The following SRPK2 variants were observed in gnomAD, a reference collection of about 807,000 sequenced individuals.
The protein encoded by SRPK2 is SFRS protein kinase 2.
In SRPK2, 21 loss-of-function variants were observed where a neutral mutation model predicts 90.8. The observed-to-expected ratio is 0.23, with a 90% CI of 0.16 to 0.33. The LOEUF is 0.33. Among genes scored for constraint, SRPK2 ranks in the 10% least tolerant of loss-of-function variants. SRPK2 has a pLI of 1.00. For synonymous variants in SRPK2, 288 were observed against 311.1 expected (o/e 0.93, Z 0.78); for missense variants, 620 against 869.0 (o/e 0.71, Z 3.60).
intron 2 of SRPK2, among the ~76,000 whole-genome samples, chr7:105,344,686 C>CT (rs1309985022): frequency 1.3e-5 from 2 of 152,084 alleles, no homozygotes; most frequent in Non-Finnish European, 2.9e-5. Context: ...GCTCTACACT[C>CT]TAACTTAAAG....
chr7:105,195,370 AGAGGAGAGAT>A (rs1418931857), intron 3 of SRPK2, among the ~76,000 whole-genome samples: 20 of 152,374 alleles, frequency 1.3e-4, no homozygotes, highest in Middle Eastern at 3.4e-3. Context: ...TTTTGTAAAA[AGAGGAGAGAT>A]TATAACACCA....
intron 2 of SRPK2, among the ~76,000 whole-genome samples, chr7:105,282,149 A>C (rs1465323940): frequency 6.6e-6 from 1 of 152,210 alleles, no homozygotes; most frequent in Non-Finnish European, 1.5e-5. Context: ...AGATAACGGA[A>C]AGTCCAGAAA....
At chr7:105,282,539 A>G (rs1005258073) in intron 2 of SRPK2, among the ~76,000 whole-genome samples, 8 of 152,360 alleles carry the variant, frequency 5.3e-5, no homozygotes, top group African/African-American at 1.9e-4. Context: ...GCAGAGGCTC[A>G]TACCTGTAAT....
rs997916128 is a variant in SRPK2, at chr7:105,241,534, A to G, written c.72-37749T>C. On this transcript the variant is annotated intron_variant, in intron 2 of 15. Coordinates refer to ENST00000393651, the MANE Select transcript of SRPK2 (RefSeq NM_182692.3). ...CCTCACAACCCTATGTGAGGTGAGC[A>G]TTATCATCTTTATTATAAGGATAAG... Among the ~76,000 whole-genome samples, 8 of 152,194 alleles carry G rather than the reference A, an allele frequency of 5.3e-5. No homozygotes were observed. In the East Asian group the frequency reaches 1.5e-3, roughly 29 times the overall value.
chr7:105,266,040 T>TA (rs1187305856), intron 2 of SRPK2, among the ~76,000 whole-genome samples: 3 of 152,156 alleles, frequency 2.0e-5, no homozygotes, highest in African/African-American at 7.2e-5. Flanking sequence ...ATAACTCCCC[T>TA]ACAAAATGGC....
At position 105,383,052 on chromosome 7, in the gene SRPK2, A is replaced by ATTTTTTTTTTT. The variant is rs1563315577; in HGVS notation, c.71+5595_71+5596insAAAAAAAAAAA. Among the ~76,000 whole-genome samples, 58 of 105,316 alleles carry ATTTTTTTTTTT rather than the reference A, an allele frequency of 5.5e-4. 15 individuals are homozygous for ATTTTTTTTTTT. The highest frequency in any genetic ancestry group is 1.9e-3 in the African/African-American group (51 of 26,552). The allele number at this position is 105,316 out of a possible 152,430, so 69.1% of individuals were successfully genotyped here. A position where few individuals can be genotyped will look rare whatever the true frequency, so the allele number is the denominator to read the frequency against. ...AGTCTGAAATTATTTCAAAAGTAAA[A>ATTTTTTTTTTT]ATTTTTTTTTTTTTTTTTTTTTTTT... On this transcript the variant is annotated intron_variant, in intron 2 of 15. Transcript: ENST00000393651.
At chr7:105,136,826 C>T (rs1802888903) in intron 11 of SRPK2, among the ~76,000 whole-genome samples, 1 of 152,200 alleles carries the variant, frequency 6.6e-6, no homozygotes, top group South Asian at 2.1e-4. Context: ...GCCACCTCAA[C>T]CATTCGTGCA....
intron 3 of SRPK2, among the ~76,000 whole-genome samples, chr7:105,174,082 T>TA (rs11406138): frequency 0.45 from 60,100 of 134,814 alleles, 13,884 homozygotes; most frequent in Non-Finnish European, 0.55. Flanking sequence ...CTGTCTCTAA[T>TA]AAAAAAAAAA....
At position 105,117,363 on chromosome 7, in the gene SRPK2, A is replaced by G. The variant is rs1012865022; in HGVS notation, c.*475T>C. ...AGTAACATTTACAGGGTGCATTTACATACACTATAATACAGGAATGATGTC... is the reference window on the plus strand; with the variant it reads ...AGTAACATTTACAGGGTGCATTTACGTACACTATAATACAGGAATGATGTC... On this transcript the variant is annotated 3_prime_UTR_variant, in exon 16 of 16. Coordinates refer to ENST00000393651, the MANE Select transcript of SRPK2 (RefSeq NM_182692.3). The G allele has an allele frequency of 6.3e-6, 1 of 158,922 alleles. No homozygotes were observed. The highest frequency in any genetic ancestry group is 1.4e-5 in the Non-Finnish European group (1 of 72,738). The allele number at this position is 158,922 out of a possible 1,614,324, so 9.8% of individuals were successfully genotyped here.
intron 2 of SRPK2, among the ~76,000 whole-genome samples, chr7:105,344,324 T>G (rs1333148721): frequency 1.3e-5 from 2 of 151,140 alleles, no homozygotes; most frequent in Non-Finnish European, 2.9e-5. Context: ...TATAGCTCAG[T>G]GCAGCCTTGA....
chr7:105,266,762 G>A (rs1404926026), intron 2 of SRPK2, among the ~76,000 whole-genome samples: 1 of 152,068 alleles, frequency 6.6e-6, no homozygotes, highest in Non-Finnish European at 1.5e-5. Flanking sequence ...TTCCTGGACA[G>A]GATATAGTGT....
chr7:105,187,766 G>A (rs1287611684), intron 3 of SRPK2, among the ~76,000 whole-genome samples: 2 of 152,164 alleles, frequency 1.3e-5, no homozygotes, highest in African/African-American at 2.4e-5. Context: ...GTGAATATGC[G>A]TGGTGTAGTA....
At chr7:105,187,255 C>CA (rs1793704006) in intron 3 of SRPK2, among the ~76,000 whole-genome samples, 1 of 152,166 alleles carries the variant, frequency 6.6e-6, no homozygotes, top group African/African-American at 2.4e-5. Flanking sequence ...CAACTAGCTC[C>CA]AAAAATCACT....
At chr7:105,255,475 TGGAAAAGAA>T (rs1803144892) in intron 2 of SRPK2, among the ~76,000 whole-genome samples, 1 of 151,988 alleles carries the variant, frequency 6.6e-6, no homozygotes, top group Non-Finnish European at 1.5e-5. Context: ...AAAAGACAGA[TGGAAAAGAA>T]GGAAAAGGGA....
At chr7:105,163,074 A>C (rs1296892076) in intron 6 of SRPK2, among the ~76,000 whole-genome samples, 1 of 152,226 alleles carries the variant, frequency 6.6e-6, no homozygotes, top group African/African-American at 2.4e-5. Context: ...GGTACTTCCT[A>C]GTATACTCAA....
At chr7:105,239,581 T>C (rs1470593114) in intron 2 of SRPK2, among the ~76,000 whole-genome samples, 3 of 152,224 alleles carry the variant, frequency 2.0e-5, no homozygotes, top group Admixed American at 6.5e-5. Context: ...CATCAAAATA[T>C]ATTGTTTCAA....
upstream of SRPK2, among the ~76,000 whole-genome samples, chr7:105,394,002 C>T (rs1337225789): frequency 6.6e-6 from 1 of 152,118 alleles, no homozygotes; most frequent in Non-Finnish European, 1.5e-5. Flanking sequence ...CCCATTTCCT[C>T]CAACTTTCCC....
chr7:105,229,621 C>T (rs1433836252), intron 2 of SRPK2, among the ~76,000 whole-genome samples: 1 of 152,128 alleles, frequency 6.6e-6, no homozygotes, highest in African/African-American at 2.4e-5. Context: ...AGGGGGAGCG[C>T]AGGAATAAAA....
At chr7:105,121,387 A>AAAAAG (rs113900008) in intron 15 of SRPK2, among the ~76,000 whole-genome samples, 1,913 of 148,394 alleles carry the variant, frequency 0.013, 46 homozygotes, top group African/African-American at 0.028. Context: ...TAAAAAAAAA[A>AAAAAG]AGAGAGAAAA....
Sources: allele counts gnomAD v4.1 joint callset (sites outside exome capture counted in the v4.1 genomes callset), GRCh38; gene constraint gnomAD v4.1.1; transcripts MANE v1.5; gene names NCBI Gene and HGNC (gene_info 2026-07-23, HGNC 2026-07-21).